Variants in RYR1 observed in about 807,000 individuals in gnomAD.
RYR1 encodes central core disease of muscle.
In RYR1, 342 loss-of-function variants were observed where a neutral mutation model predicts 583.5. The ratio of observed to expected loss-of-function variants is 0.59; its 90% CI spans 0.54 to 0.64. The LOEUF (loss-of-function observed/expected upper bound fraction) is 0.64, where lower values mean the gene tolerates loss of function less well. Among genes scored for constraint, RYR1 ranks in the 30% least tolerant of loss-of-function variants. The pLI is 0.00. For missense variants in RYR1, 6,032 were observed against 6,917.2 expected (o/e 0.87, Z 4.54); for synonymous variants, 2,791 against 2,822.5 (o/e 0.99, Z 0.35).
intron 76 of RYR1, 34 bp downstream of exon 76, chr19:38,529,091 C>A: frequency 6.2e-7 from 1 of 1,609,116 alleles, no homozygotes; most frequent in South Asian, 1.1e-5. Context: ...AGAAATGCCC[C>A]CAAGGTCCTG....
chr19:38,478,318 TG>T, intron 30 of RYR1, 116 bp from the exon 31 acceptor site: 1 of 1,105,572 alleles, frequency 9.0e-7, no homozygotes, highest in East Asian at 2.4e-5. Context: ...CTGCAGGCGG[TG>T]GGTGTTTGGG....
Position 38,500,509 on chromosome 19 carries a change from G to C in RYR1, c.7324-97G>C, listed in dbSNP as rs1970059392. The C allele has an allele frequency of 7.0e-6, 11 of 1,564,316 alleles. No homozygotes were observed. The highest frequency in any genetic ancestry group is 8.8e-6 in the Non-Finnish European group (10 of 1,142,208). On this transcript the variant is annotated intron_variant, in intron 45 of 105. Transcript: ENST00000359596. The surrounding 1 kb of genome is among the most constrained non-coding windows in gnomAD (Gnocchi z 5.9). ...AGACAGCCTCCTGAGAAAGAGGCCT[G>C]CTCTACCCTCCTGTGTGGTAAGGGA...
At chr19:38,502,469 G>T (rs1457301318) in intron 47 of RYR1, 38 bp from the exon 48 acceptor site, 1 of 1,568,524 alleles carries the variant, frequency 6.4e-7, no homozygotes, top group South Asian at 1.1e-5. Context: ...AGCCCCAGGG[G>T]TGTGCAGCGG....
intron 29 of RYR1, 50 bp from the exon 30 acceptor site, chr19:38,477,660 G>A (rs1240162183): frequency 4.3e-6 from 7 of 1,613,510 alleles, no homozygotes; most frequent in Admixed American, 1.7e-5. Flanking sequence ...CAGGGAGCCC[G>A]AGTCCCTGAC....
chr19:38,584,845 A>G, intron 101 of RYR1, 98 bp from the exon 102 acceptor site: 1 of 1,446,604 alleles, frequency 6.9e-7, no homozygotes, highest in Non-Finnish European at 9.6e-7. Flanking sequence ...GGGCTGTCTC[A>G]GTCGTTACCA....
intron 1 of RYR1, among the ~76,000 whole-genome samples, chr19:38,437,747 C>T (rs550679755): frequency 6.6e-6 from 1 of 152,098 alleles, no homozygotes; most frequent in South Asian, 2.1e-4. Flanking sequence ...AACCAGGAGT[C>T]GGAAGCTGCA....
chr19:38,509,919 G>A (rs1453520939), intron 58 of RYR1, among the ~76,000 whole-genome samples: 1 of 151,536 alleles, frequency 6.6e-6, no homozygotes, highest in East Asian at 1.9e-4. Flanking sequence ...ATGTATTCAA[G>A]TTTAGAATGA....
In RYR1 at chr19:38,448,711, C is replaced by T. The variant is rs778349211; in HGVS notation, c.1020C>T (p.Tyr340=). 29 of 1,614,096 alleles carry T rather than the reference C, an allele frequency of 1.8e-5. No homozygotes were observed. The highest frequency in any genetic ancestry group is 3.3e-5 in the South Asian group (3 of 91,090). Residue 340 remains tyrosine, a synonymous_variant, in exon 11 of 106, where the codon TAC becomes TAT. Transcript: ENST00000359596. ...VEGMGPPEIK[Y]GESLCFVQHV... ...GCATGGGCCCCCCTGAGATCAAGTA[C>T]GGGGAGTCACTGTGCTTCGTGCAGC...
chr19:38,562,002 G>A (rs1973168105), intron 90 of RYR1, among the ~76,000 whole-genome samples: 1 of 152,026 alleles, frequency 6.6e-6, no homozygotes, highest in South Asian at 2.1e-4. Flanking sequence ...GCCTTCTGAA[G>A]TCCTAGCATA....
At chr19:38,489,129 ATGG>A (rs1176029155) in intron 34 of RYR1, 45 bp from the exon 35 acceptor site, 3 of 1,561,844 alleles carry the variant, frequency 1.9e-6, no homozygotes, top group Non-Finnish European at 2.6e-6. Flanking sequence ...GGGCCTGATG[ATGG>A]AGGCCTTGCA....
intron 56 of RYR1, 72 bp downstream of exon 56, chr19:38,506,618 C>T (rs928491420): frequency 5.1e-6 from 8 of 1,568,762 alleles, no homozygotes; most frequent in African/African-American, 1.4e-5. Context: ...TGCCTTCATG[C>T]CCCTGAAACT....
chr19:38,511,011 C>G (rs546051361), intron 60 of RYR1, among the ~76,000 whole-genome samples: 12 of 152,196 alleles, frequency 7.9e-5, no homozygotes, highest in Non-Finnish European at 1.5e-4. Flanking sequence ...AAGGCCAACT[C>G]AAGGCCGGGC....
intron 28 of RYR1, 34 bp from the exon 29 acceptor site, chr19:38,475,284 C>T (rs375276953): frequency 6.4e-7 from 1 of 1,553,874 alleles, no homozygotes; most frequent in African/African-American, 1.4e-5. Context: ...GGCTTGAAAG[C>T]TGGCTCTCAT....
chr19:38,486,394 A>T (rs1025606440), intron 34 of RYR1, among the ~76,000 whole-genome samples, 192 bp downstream of exon 34: 3 of 152,006 alleles, frequency 2.0e-5, no homozygotes, highest in African/African-American at 7.2e-5. Flanking sequence ...CCCAGGCTGG[A>T]GTGCAGTGGC....
chr19:38,484,732 T>G (rs1166632936), intron 33 of RYR1, among the ~76,000 whole-genome samples: 2 of 151,732 alleles, frequency 1.3e-5, no homozygotes, highest in Non-Finnish European at 1.5e-5. Flanking sequence ...TTCAGGAGGC[T>G]GAGGAGGAGG....
chr19:38,464,721 A>G lies in RYR1; in HGVS notation c.2869A>G (p.Thr957Ala), dbSNP rs1176044972. The G allele has an allele frequency of 3.2e-6, 5 of 1,579,120 alleles. No individual in the cohort carries two copies. The highest frequency in any genetic ancestry group is 2.3e-5 in the South Asian group (2 of 86,120). The change falls in exon 23 of 106, where the codon ACG becomes GCG. Residue 957 changes from threonine to alanine, a missense_variant and splice_region_variant. Thr to Ala is a moderately conservative substitution (Grantham distance 58). Around this residue, in one of 11 missense-constraint regions of RYR1, gnomAD observed 2,627 missense variants for 2,961.3 expected, o/e 0.89. Coordinates refer to ENST00000359596, the MANE Select transcript of RYR1 (RefSeq NM_000540.3). Reference protein sequence around the residue: ...DNLKKTKLPKTYMMSNGYKPA... With the variant: ...DNLKKTKLPKAYMMSNGYKPA... ...CCTGAAGAAGACAAAACTCCCCAAG[A>G]CGTGAGTGTGGGCAGCCAGGTCCCG...
intron 84 of RYR1, among the ~76,000 whole-genome samples, chr19:38,541,838 T>A (rs1222097847): frequency 6.6e-6 from 1 of 151,868 alleles, no homozygotes; most frequent in Non-Finnish European, 1.5e-5. Flanking sequence ...ATCCCAGCAC[T>A]ATGGGAGGTC....
At chr19:38,578,306 C>T (rs575248342) in intron 99 of RYR1, 102 bp downstream of exon 99, 1 of 1,208,394 alleles carries the variant, frequency 8.3e-7, no homozygotes, top group Non-Finnish European at 1.2e-6. Flanking sequence ...CTCCTGGGAC[C>T]CTGAGTGGCT....
chr19:38,448,515 A>G lies in RYR1; in HGVS notation c.957+4A>G. The G allele has an allele frequency of 6.2e-7, 1 of 1,612,210 alleles. No individual in the cohort carries two copies. Among genetic ancestry groups the G allele is most frequent in the Non-Finnish European group, 8.5e-7 (1 of 1,178,304 alleles). ...CTTCTGCTTCCGCATCTCCAAGGTC[A>G]GTGGGGTTTGTGGCGCCCTCCCTCA... On this transcript the variant is annotated splice_donor_region_variant and intron_variant, in intron 10 of 105. Coordinates refer to ENST00000359596, the MANE Select transcript of RYR1 (RefSeq NM_000540.3).
Sources: gnomAD v4.1 joint callset for allele counts (sites outside exome capture counted in the v4.1 genomes callset) on GRCh38, gnomAD v4.1.1 for gene constraint, gnomAD v4.1.1 regional missense constraint, Gnocchi (gnomAD v3.1) non-coding constraint, MANE v1.5 for transcripts, NCBI Gene and HGNC (gene_info 2026-07-23, HGNC 2026-07-21) for gene names.